Variants in CYP4F22 observed in about 807,000 individuals in gnomAD.
CYP4F22 encodes the protein ultra-long-chain fatty acid omega-hydroxylase.
CYP4F22 carries 37 observed loss-of-function variants against 60.4 expected under a neutral mutation model. The ratio of observed to expected loss-of-function variants is 0.61; its 90% CI spans 0.47 to 0.81. The LOEUF (loss-of-function observed/expected upper bound fraction) is 0.81, where lower values mean the gene tolerates loss of function less well. CYP4F22 is among the 30% of genes least tolerant of loss of function. The pLI is 0.00. For missense variants in CYP4F22, 655 were observed against 715.0 expected, an observed-to-expected ratio of 0.92 and a Z score of 0.96; for synonymous variants, 258 against 280.5, an observed-to-expected ratio of 0.92 and a Z score of 0.80.
chr19:15,508,747 G>A (rs575557946), intron 1 of CYP4F22, among the ~76,000 whole-genome samples, 164 bp downstream of exon 1: 2 of 152,138 alleles, frequency 1.3e-5, no homozygotes, highest in African/African-American at 4.8e-5. Context: ...ACCCAGGACG[G>A]GGCTGCATGC....
chr19:15,520,800 G>T (rs1238485249), intron 1 of CYP4F22, among the ~76,000 whole-genome samples: 2 of 142,058 alleles, frequency 1.4e-5, no homozygotes, highest in Non-Finnish European at 3.0e-5. Flanking sequence ...ACAGAGTCTC[G>T]CTCTGTCGCC....
rs140322447 is a variant in CYP4F22 at position 15,525,160 on chromosome 19, C to T, written c.-1-176C>T. 6.9e-4 allele frequency among the ~76,000 whole-genome samples: 105 copies of T among 152,304 alleles called. 2 individuals carry two copies. Among genetic ancestry groups the T allele is most frequent in the Non-Finnish European group, 6.2e-4 (42 of 68,026 alleles). On this transcript the variant is annotated intron_variant, in intron 2 of 13. Coordinates refer to ENST00000269703, the MANE Select transcript of CYP4F22 (RefSeq NM_173483.4). ...GGCTGAGAGCATACGAGCAGGGCCC[C>T]GAGTGCATCCATCTGTCCAGCTGGT... is the stretch of plus-strand genomic sequence containing the variant.
At chr19:15,527,381 C>T (rs1297167686) in intron 3 of CYP4F22, among the ~76,000 whole-genome samples, 2 of 152,224 alleles carry the variant, frequency 1.3e-5, no homozygotes, top group African/African-American at 4.8e-5. Context: ...ACTTCCCACT[C>T]CTGTAACAAG....
At position 15,540,582 on chromosome 19, in the gene CYP4F22, T is replaced by C; in HGVS notation, c.804T>C (p.Cys268=). The part of the protein sequence containing the change: ...SADGRRFRQA[C]DMVHHFTTEV... ...ATGGGCGGAGGTTCCGGCAGGCCTG[T>C]GACATGGTGCACCACTTCACCACTG... Residue 268 remains cysteine (C), a synonymous_variant, in exon 8 of 14, where the codon TGT becomes TGC. Coordinates refer to ENST00000269703, the MANE Select transcript of CYP4F22 (RefSeq NM_173483.4). The C allele has an allele frequency of 6.2e-7, 1 of 1,614,228 alleles. No homozygotes were observed. Among genetic ancestry groups the C allele is most frequent in the Non-Finnish European group, 8.5e-7 (1 of 1,180,036 alleles).
At position 15,537,387 on chromosome 19, in the gene CYP4F22, T is replaced by C. The variant is rs1195825885; in HGVS notation, c.394T>C (p.Phe132Leu). ...TGCCATCGCCCCCAAGGATGACCTC[T>C]TCTATGGCTTCCTAAAACCTTGGCT... ...SAAIAPKDDL[F>L]YGFLKPWLGD... Residue 132 changes from phenylalanine to leucine, a missense_variant, in exon 5 of 14, where the codon TTC (phenylalanine) becomes CTC (leucine). Phe to Leu is a conservative substitution (Grantham distance 22). Around this residue, in one of 3 missense-constraint regions of CYP4F22, gnomAD observed 430 missense variants for 457.1 expected, o/e 0.94. Transcript: ENST00000269703. 1 of 1,614,170 alleles carries C rather than the reference T, an allele frequency of 6.2e-7. No individual in the cohort carries two copies. Among genetic ancestry groups the C allele is most frequent in the Non-Finnish European group, 8.5e-7 (1 of 1,180,004 alleles).
intron 1 of CYP4F22, among the ~76,000 whole-genome samples, chr19:15,518,647 C>CAAAAAAAAAAA (rs748509278): frequency 1.3e-4 from 3 of 23,482 alleles, no homozygotes; most frequent in African/African-American, 3.1e-4. Flanking sequence ...GACTTTGTCT[C>CAAAAAAAAAAA]AAAAAAAAAA....
chr19:15,541,537 G>T (rs7250414), intron 8 of CYP4F22, among the ~76,000 whole-genome samples: 1 of 151,954 alleles, frequency 6.6e-6, no homozygotes, highest in Admixed American at 6.6e-5. Flanking sequence ...TTCTAGCGGA[G>T]GGGGGGTGGG....
Position 15,551,720 on chromosome 19 carries a change from C to A in CYP4F22, c.*249C>A. 1.7e-6 allele frequency: 1 copy of A among 592,130 alleles called. No individual in the cohort carries two copies. The highest frequency in any genetic ancestry group is 2.0e-5 in the South Asian group (1 of 49,430). 36.7% of individuals were successfully genotyped at this position (592,130 alleles called of 1,614,324 possible). On this transcript the variant is annotated 3_prime_UTR_variant, in exon 14 of 14. Coordinates refer to ENST00000269703, the MANE Select transcript of CYP4F22 (RefSeq NM_173483.4). ...CCGCCCCCTGACTTCTCGCACCTGT[C>A]CTGTTTGAGGGACCAGGGTCGACCC...
rs80216748 is a variant in CYP4F22 at position 15,509,398 on chromosome 19, G to T, written c.-109+815G>T. On this transcript the variant is annotated intron_variant, in intron 1 of 13. Coordinates refer to ENST00000269703, the MANE Select transcript of CYP4F22 (RefSeq NM_173483.4). ...CATTGTGAGTCTCACCGCCCTGTAG[G>T]CAAAGGAGATGGCCAGGGCTGGCTG... Among the ~76,000 whole-genome samples, 907 of 152,202 alleles carry T rather than the reference G, an allele frequency of 6.0e-3. 9 individuals carry two copies. Among genetic ancestry groups the T allele is most frequent in the African/African-American group, 0.02 (838 of 41,534 alleles).
At chr19:15,528,484 A>G (rs73512650) in intron 3 of CYP4F22, among the ~76,000 whole-genome samples, 2,541 of 152,038 alleles carry the variant, frequency 0.017, 86 homozygotes, top group African/African-American at 0.058. Flanking sequence ...GCAATGCGCT[A>G]CTCTGCCCTC....
At chr19:15,508,782 C>G (rs952401126) in intron 1 of CYP4F22, among the ~76,000 whole-genome samples, 199 bp downstream of exon 1, 1 of 151,688 alleles carries the variant, frequency 6.6e-6, no homozygotes, top group Non-Finnish European at 1.5e-5. Context: ...GGGAGAGGGG[C>G]ACGTGGGTGT....
intron 12 of CYP4F22, among the ~76,000 whole-genome samples, chr19:15,549,488 AT>A (rs113018320): frequency 0.018 from 2,668 of 152,252 alleles, 66 homozygotes; most frequent in African/African-American, 0.061. Context: ...AAGCAAATAA[AT>A]AAGATTTTGG....
intron 1 of CYP4F22, among the ~76,000 whole-genome samples, chr19:15,519,411 C>T (rs531160346): frequency 2.0e-3 from 308 of 152,094 alleles, no homozygotes; most frequent in African/African-American, 7.0e-3. Context: ...TACAGGCGCC[C>T]GCCACCATGC....
intron 10 of CYP4F22, 106 bp from the exon 11 acceptor site, chr19:15,548,002 A>AGGGT (rs1237209926): frequency 3.1e-6 from 1 of 322,380 alleles, no homozygotes; most frequent in African/African-American, 4.1e-5. Flanking sequence ...AGAGGGAGAG[A>AGGGT]GTGTGTGTGT....
In CYP4F22 at chr19:15,529,739, G is replaced by C. The variant is rs773736322; in HGVS notation, c.253G>C (p.Glu85Gln). The change falls in exon 4 of 14, where the codon GAG becomes CAG. Residue 85 changes from glutamate to glutamine, a missense_variant. Coordinates refer to ENST00000269703, the MANE Select transcript of CYP4F22 (RefSeq NM_173483.4). ...YLPNEAGLQD[E>Q]KKVLDNMHHV... The stretch of plus-strand genomic sequence containing the variant: ...TCCAAATGAGGCGGGCCTTCAAGAT[G>C]AGAAGAAGGTACTGGACAACATGCA... 46 of 1,614,034 alleles carry C rather than the reference G, an allele frequency of 2.9e-5. No individual in the cohort carries two copies. The highest frequency in any genetic ancestry group is 3.8e-5 in the Non-Finnish European group (45 of 1,180,042).
At chr19:15,548,366 T>A in intron 11 of CYP4F22, 125 bp downstream of exon 11, 2 of 1,428,062 alleles carry the variant, frequency 1.4e-6, no homozygotes, top group South Asian at 2.3e-5. Context: ...TAGCTCTCTG[T>A]GTGCCTGTTG....
intron 4 of CYP4F22, among the ~76,000 whole-genome samples, chr19:15,536,788 T>G (rs1315558618): frequency 6.6e-6 from 1 of 152,134 alleles, no homozygotes; most frequent in Non-Finnish European, 1.5e-5. Context: ...AGGGGCCAGA[T>G]GGAATTGGGT....
At chr19:15,544,933 T>C (rs1273540) in intron 10 of CYP4F22, among the ~76,000 whole-genome samples, 116,491 of 151,892 alleles carry the variant, frequency 0.77, 44,878 homozygotes, top group East Asian at 0.9. Flanking sequence ...CGGTCATGGG[T>C]GCCTGTAATC....
intron 1 of CYP4F22, among the ~76,000 whole-genome samples, chr19:15,512,687 C>T (rs1004840001): frequency 1.3e-5 from 2 of 152,132 alleles, no homozygotes; most frequent in African/African-American, 4.8e-5. Flanking sequence ...AAGTGATCCT[C>T]CCATCTTGGC....
Sources: allele counts gnomAD v4.1 joint callset (sites outside exome capture counted in the v4.1 genomes callset), GRCh38; gene constraint gnomAD v4.1.1; regional missense constraint gnomAD v4.1.1; transcripts MANE v1.5; gene names NCBI Gene and HGNC (gene_info 2026-07-23, HGNC 2026-07-21).